TUBAL3: variants seen among roughly 807,000 people sequenced by gnomAD.
The protein encoded by TUBAL3 is tubulin alpha like 3.
A neutral mutation model predicts 15.5 loss-of-function variants in TUBAL3; 16 were observed. The observed-to-expected ratio is 1.04, with a 90% CI of 0.70 to 1.57. The LOEUF (loss-of-function observed/expected upper bound fraction) is 1.57, where lower values mean the gene tolerates loss of function less well. Among genes scored for constraint, TUBAL3 ranks in the 40% most tolerant of loss-of-function variants. The pLI is 0.00. For missense variants in TUBAL3, 609 were observed against 576.2 expected (o/e 1.06, Z -0.58); for synonymous variants, 238 against 224.3 (o/e 1.06, Z -0.55).
rs1420803969 is a variant in TUBAL3 at position 5,393,765 on chromosome 10, G to A, written c.1093C>T (p.Arg365Trp). 36 of 1,614,122 alleles carry A rather than the reference G, an allele frequency of 2.2e-5. No homozygotes were observed. The highest frequency in any genetic ancestry group is 3.3e-5 in the Admixed American group (2 of 60,008). Residue 365 changes from arginine to tryptophan, a missense_variant, in exon 4 of 4, where the codon CGG becomes TGG. Physicochemically the swap from Arg to Trp is moderately radical, Grantham distance 101. Coordinates refer to ENST00000380419, the MANE Select transcript of TUBAL3 (RefSeq NM_024803.3). Reference protein sequence around the residue: ...PTGFKVGINNRPPTVMPGGDL... With the variant: ...PTGFKVGINNWPPTVMPGGDL... ...CCACCCGGCATCACCGTGGGCGGCC[G>A]ATTGTTGATGCCCACCTTGAAACCA...
At position 5,395,715 on chromosome 10, in the gene TUBAL3, G is replaced by C. The variant is rs1297276752; in HGVS notation, c.248-240C>G. ...ATGCACCCCTTATTAGTTTCCTAGT[G>C]CTGCCATAACCAATGACAACAAACA... On this transcript the variant is annotated intron_variant, in intron 2 of 3. Transcript: ENST00000380419. The surrounding 1 kb of genome is among the most constrained non-coding windows in gnomAD (Gnocchi z 4.6). Among the ~76,000 whole-genome samples, 3 of 152,134 alleles carry C rather than the reference G, an allele frequency of 2.0e-5. No individual in the cohort carries two copies. Among genetic ancestry groups the C allele is most frequent in the African/African-American group, 7.2e-5 (3 of 41,430 alleles).
In TUBAL3 at chr10:5,393,639, C is replaced by T. The variant is rs150318613; in HGVS notation, c.1219G>A (p.Ala407Thr). ...RLDHKFDLMY[A>T]KRAFLHWYLR... is the part of the protein sequence containing the mutation. ...TACCAGTGCAGAAATGCTCTCTTGG[C>T]GTACATGAGGTCAAACTTGTGGTCC... Residue 407 changes from alanine (A) to threonine (T), a missense_variant, in exon 4 of 4, where the codon GCC becomes ACC. Coordinates refer to ENST00000380419, the MANE Select transcript of TUBAL3 (RefSeq NM_024803.3). 2.2e-4 allele frequency: 351 copies of T among 1,614,190 alleles called. 1 individual carries two copies. In the Middle Eastern group the frequency reaches 3.3e-3, roughly 15 times the overall value.
rs1240420415 is a variant in TUBAL3 at position 5,396,115 on chromosome 10, G to A, written c.248-640C>T. Among the ~76,000 whole-genome samples, 1 of 152,172 alleles carries A rather than the reference G, an allele frequency of 6.6e-6. No homozygotes were observed. The highest frequency in any genetic ancestry group is 1.5e-5 in the Non-Finnish European group (1 of 68,034). On this transcript the variant is annotated intron_variant, in intron 2 of 3. Coordinates refer to ENST00000380419, the MANE Select transcript of TUBAL3 (RefSeq NM_024803.3). This position sits in a 1 kb window ranked among gnomAD's most constrained non-coding sequence, Gnocchi z 5.1. ...GGATTGCAGATGGGTATGAATTTGG[G>A]GGGACACACTTCAACCCACTGCCCA...
rs143994010 is a variant in TUBAL3, at chr10:5,395,389, G to A, written c.334C>T (p.Arg112Ter). ...TCCGACCCCACAGAGTAACGGCCTC[G>A]CGCGTAATTGTTAGCAGCATCCTCC... ...GKEDAANNYA[R>*]GRYSVGSEVI... The change falls in exon 3 of 4, where the codon CGA becomes TGA. Residue 112 changes from arginine (R) to a stop codon, truncating the protein, a stop_gained. Coordinates refer to ENST00000380419, the MANE Select transcript of TUBAL3 (RefSeq NM_024803.3). LOFTEE classifies it high-confidence loss of function. The surrounding 1 kb of genome is among the most constrained non-coding windows in gnomAD (Gnocchi z 4.6). 3.0e-5 allele frequency: 48 copies of A among 1,606,524 alleles called. No homozygotes were observed. In the African/African-American group the frequency reaches 3.1e-4, roughly 10 times the overall value.
At position 5,396,401 on chromosome 10, in the gene TUBAL3, C is replaced by T. The variant is rs1191240866; in HGVS notation, c.248-926G>A. On this transcript the variant is annotated intron_variant, in intron 2 of 3. Coordinates refer to ENST00000380419, the MANE Select transcript of TUBAL3 (RefSeq NM_024803.3). This position sits in a 1 kb window ranked among gnomAD's most constrained non-coding sequence, Gnocchi z 5.1. ...GTGGGTGCCTGTAATCCCAGCTACT[C>T]GGGAGACTGAGGCAGGAGAATCACT... is the stretch of plus-strand genomic sequence containing the variant. Among the ~76,000 whole-genome samples, 2 of 151,954 alleles carry T rather than the reference C, an allele frequency of 1.3e-5. No homozygotes were observed. Among genetic ancestry groups the T allele is most frequent in the African/African-American group, 4.8e-5 (2 of 41,414 alleles).
chr10:5,398,507 G>A (rs2119143925), intron 2 of TUBAL3, among the ~76,000 whole-genome samples: 1 of 151,516 alleles, frequency 6.6e-6, no homozygotes, highest in Admixed American at 6.6e-5. Context: ...CCCAAAGTGG[G>A]AAGACTGCTT....
chr10:5,393,775 G>T lies in TUBAL3; in HGVS notation c.1083C>A (p.Gly361=). The part of the protein sequence containing the change: ...VDWCPTGFKV[G]INNRPPTVMP... ...TCACCGTGGGCGGCCGATTGTTGAT[G>T]CCCACCTTGAAACCAGTTGGACACC... The change falls in exon 4 of 4, where the codon GGC becomes GGA. Residue 361 remains glycine (G), a synonymous_variant. Coordinates refer to ENST00000380419, the MANE Select transcript of TUBAL3 (RefSeq NM_024803.3). 1 of 1,614,206 alleles carries T rather than the reference G, an allele frequency of 6.2e-7. No individual in the cohort carries two copies. Among genetic ancestry groups the T allele is most frequent in the South Asian group, 1.1e-5 (1 of 91,088 alleles).
Position 5,400,970 on chromosome 10 carries a change from G to C in TUBAL3, c.121C>G (p.Gln41Glu), listed in dbSNP as rs958208277. ...ATTTTTGCATTTTCCAGCTGATCCT[G>C]TTGAGTGTCAAGAACAACGCCATTT... ...QPNGVVLDTQ[Q>E]DQLENAKMEH... The change falls in exon 2 of 4, where the codon CAG (glutamine) becomes GAG (glutamate). Residue 41 changes from glutamine to glutamate, a missense_variant. Physicochemically the swap from Gln to Glu is conservative, Grantham distance 29. Transcript: ENST00000380419. 6.2e-7 allele frequency: 1 copy of C among 1,614,112 alleles called. No individual in the cohort carries two copies. Among genetic ancestry groups the C allele is most frequent in the Non-Finnish European group, 8.5e-7 (1 of 1,180,050 alleles).
chr10:5,396,850 T>C lies in TUBAL3; in HGVS notation c.248-1375A>G, dbSNP rs1250565915. 6.6e-6 allele frequency among the ~76,000 whole-genome samples: 1 copy of C among 152,206 alleles called. No individual in the cohort carries two copies. Among genetic ancestry groups the C allele is most frequent in the Non-Finnish European group, 1.5e-5 (1 of 68,036 alleles). The stretch of plus-strand genomic sequence containing the variant: ...TTTGGGACGGCTGCCCTGGTTACTG[T>C]GGGATACTGCATTGCTTAGTAGTTA... On this transcript the variant is annotated intron_variant, in intron 2 of 3. Transcript: ENST00000380419. The surrounding 1 kb of genome is among the most constrained non-coding windows in gnomAD (Gnocchi z 5.1).
rs782657104 is a variant in TUBAL3 at position 5,395,312 on chromosome 10, G to C, written c.396+15C>G. On this transcript the variant is annotated intron_variant, in intron 3 of 3. Coordinates refer to ENST00000380419, the MANE Select transcript of TUBAL3 (RefSeq NM_024803.3). The surrounding 1 kb of genome is among the most constrained non-coding windows in gnomAD (Gnocchi z 4.6). ...CCAGGCACAGCCCACTCGGAGGAGA[G>C]GGGGAGCCACTTGCCAGCTTCCGGG... 13 of 1,521,198 alleles carry C rather than the reference G, an allele frequency of 8.5e-6. No homozygotes were observed. Among genetic ancestry groups the C allele is most frequent in the Admixed American group, 7.6e-5 (4 of 52,342 alleles). 94.2% of individuals were successfully genotyped at this position (1,521,198 alleles called of 1,614,324 possible).
rs1831726417 is a variant in TUBAL3, at chr10:5,394,236, T to C, written c.622A>G (p.Thr208Ala). The C allele has an allele frequency of 6.2e-7, 1 of 1,614,006 alleles. No individual in the cohort carries two copies. The part of the protein sequence containing the change: ...THSTTEHTDC[T>A]FMVDNEAVYD... ...ACGGCCTCGTTGTCCACCATGAAGG[T>C]ACAGTCCGTGTGCTCTGTGGTGGAG... The change falls in exon 4 of 4, where the codon ACC becomes GCC. Residue 208 changes from threonine to alanine, a missense_variant. Transcript: ENST00000380419. This position sits in a 1 kb window ranked among gnomAD's most constrained non-coding sequence, Gnocchi z 4.3.
chr10:5,394,187 AG>A lies in TUBAL3; in HGVS notation c.670del (p.Leu224SerfsTer32). The A allele has an allele frequency of 6.2e-7, 1 of 1,614,188 alleles. No individual in the cohort carries two copies. Among genetic ancestry groups the A allele is most frequent in the Non-Finnish European group, 8.5e-7 (1 of 1,180,036 alleles). ...EAVYDICHRK[L>X]GVECPSHASI... ...GGCATGAGAGGGGCATTCAACACCG[AG>A]TTTACGATGGCATATATCATAGACG... On this transcript the variant is annotated frameshift_variant, in exon 4 of 4. Transcript: ENST00000380419. LOFTEE classifies it low-confidence loss of function (END_TRUNC). This position sits in a 1 kb window ranked among gnomAD's most constrained non-coding sequence, Gnocchi z 4.3.
rs138109258 is a variant in TUBAL3 at position 5,394,163 on chromosome 10, G to T, written c.695C>A (p.Ala232Asp). ...RKLGVECPSH[A>D]SINRLVVQVV... is the part of the protein sequence containing the mutation. The stretch of plus-strand genomic sequence containing the variant: ...CTGAACCACCAATCTATTGATGCTG[G>T]CATGAGAGGGGCATTCAACACCGAG... The change falls in exon 4 of 4, where the codon GCC becomes GAC. Residue 232 changes from alanine (A) to aspartate (D), a missense_variant. Transcript: ENST00000380419. The surrounding 1 kb of genome is among the most constrained non-coding windows in gnomAD (Gnocchi z 4.3). 5.6e-6 allele frequency: 9 copies of T among 1,614,200 alleles called. No individual in the cohort carries two copies. The highest frequency in any genetic ancestry group is 7.6e-6 in the Non-Finnish European group (9 of 1,180,046).
chr10:5,400,903 G>A lies in TUBAL3; in HGVS notation c.188C>T (p.Thr63Ile), dbSNP rs781882162. ...TCTAGGCACATGCTTCCCAGCTCTT[G>A]TCTCACAGAAGAAGGTATCGAAAGA... ...NASFDTFFCE[T>I]RAGKHVPRAL... The change falls in exon 2 of 4, where the codon ACA becomes ATA. Residue 63 changes from threonine (T) to isoleucine (I), a missense_variant. Thr to Ile is a moderately conservative substitution (Grantham distance 89). Coordinates refer to ENST00000380419, the MANE Select transcript of TUBAL3 (RefSeq NM_024803.3). 3.7e-6 allele frequency: 6 copies of A among 1,614,110 alleles called. No homozygotes were observed. Among genetic ancestry groups the A allele is most frequent in the African/African-American group, 1.3e-5 (1 of 74,940 alleles).
At position 5,395,874 on chromosome 10, in the gene TUBAL3, G is replaced by A. The variant is rs1588412526; in HGVS notation, c.248-399C>T. ...TGGTCCAAACATCTCTCCTGGCACC[G>A]GGTGACTTACAATTCTTAGCTCTCC... On this transcript the variant is annotated intron_variant, in intron 2 of 3. Coordinates refer to ENST00000380419, the MANE Select transcript of TUBAL3 (RefSeq NM_024803.3). This position sits in a 1 kb window ranked among gnomAD's most constrained non-coding sequence, Gnocchi z 4.6. Among the ~76,000 whole-genome samples the A allele has an allele frequency of 3.3e-5, 5 of 152,174 alleles. No individual in the cohort carries two copies. The highest frequency in any genetic ancestry group is 4.4e-5 in the Non-Finnish European group (3 of 67,972).
Position 5,394,001 on chromosome 10 carries a change from T to C in TUBAL3, c.857A>G (p.Asp286Gly), listed in dbSNP as rs1831719816. The change falls in exon 4 of 4, where the codon GAC becomes GGC. Residue 286 changes from aspartate (D) to glycine (G), a missense_variant. Asp to Gly is a moderately conservative substitution (Grantham distance 94). Coordinates refer to ENST00000380419, the MANE Select transcript of TUBAL3 (RefSeq NM_024803.3). This position sits in a 1 kb window ranked among gnomAD's most constrained non-coding sequence, Gnocchi z 4.3. ...MTAFAPIVSADKAYHEQFSVS... is the reference protein window; with the variant it reads ...MTAFAPIVSAGKAYHEQFSVS... ...AGAGAACTGCTCATGGTAGGCTTTGTCAGCAGAGACGATGGGGGCGAAGGC... is the reference window on the plus strand; with the variant it reads ...AGAGAACTGCTCATGGTAGGCTTTGCCAGCAGAGACGATGGGGGCGAAGGC... 1 of 1,614,144 alleles carries C rather than the reference T, an allele frequency of 6.2e-7. No homozygotes were observed. Among genetic ancestry groups the C allele is most frequent in the Non-Finnish European group, 8.5e-7 (1 of 1,180,032 alleles).
At position 5,393,612 on chromosome 10, in the gene TUBAL3, G is replaced by C. The variant is rs1831709755; in HGVS notation, c.1246C>G (p.Leu416Val). ...YAKRAFLHWY[L>V]REGMEEAEFL... is the part of the protein sequence containing the mutation. Reference sequence around the variant, plus strand: ...TCTGCTTCTTCCATGCCTTCTCTGAGGTACCAGTGCAGAAATGCTCTCTTG... The same window carrying C: ...TCTGCTTCTTCCATGCCTTCTCTGACGTACCAGTGCAGAAATGCTCTCTTG... Residue 416 changes from leucine to valine, a missense_variant, in exon 4 of 4, where the codon CTC (leucine) becomes GTC (valine). Coordinates refer to ENST00000380419, the MANE Select transcript of TUBAL3 (RefSeq NM_024803.3). 3 of 1,614,182 alleles carry C rather than the reference G, an allele frequency of 1.9e-6. No homozygotes were observed. Among genetic ancestry groups the C allele is most frequent in the African/African-American group, 2.7e-5 (2 of 75,028 alleles).
In TUBAL3 at chr10:5,393,650, T is replaced by A; in HGVS notation, c.1208A>T (p.Asp403Val). 6.2e-7 allele frequency: 1 copy of A among 1,614,134 alleles called. No homozygotes were observed. The highest frequency in any genetic ancestry group is 8.5e-7 in the Non-Finnish European group (1 of 1,180,032). The change falls in exon 4 of 4, where the codon GAC becomes GTC. Residue 403 changes from aspartate to valine, a missense_variant. By Grantham distance (152) the Asp-to-Val change is radical. Transcript: ENST00000380419. ...EAWARLDHKF[D>V]LMYAKRAFLH... ...AAATGCTCTCTTGGCGTACATGAGG[T>A]CAAACTTGTGGTCCAGGCGGGCCCA...
intron 2 of TUBAL3, 143 bp downstream of exon 2, chr10:5,400,701 A>G (rs1831836420): frequency 1.1e-5 from 10 of 931,156 alleles, no homozygotes; most frequent in Non-Finnish European, 1.3e-5. Context: ...TTAATCACCC[A>G]TGGCCACTGA....
Sources: gnomAD v4.1 joint callset for allele counts (sites outside exome capture counted in the v4.1 genomes callset) on GRCh38, gnomAD v4.1.1 for gene constraint, Gnocchi (gnomAD v3.1) non-coding constraint, MANE v1.5 for transcripts, NCBI Gene and HGNC (gene_info 2026-07-23, HGNC 2026-07-21) for gene names.